CDH13: variants seen among roughly 807,000 people sequenced by gnomAD.
The protein encoded by CDH13 is cadherin 13.
In CDH13, 24 loss-of-function variants were observed where a neutral mutation model predicts 63.8. The observed-to-expected ratio is 0.38, with a 90% confidence interval of 0.27 to 0.53. CDH13 has a LOEUF of 0.53. Ranked by LOEUF, CDH13 falls within the 20% of genes least tolerant of loss-of-function variation. The pLI is 0.85. For missense variants in CDH13, 1,049 were observed against 903.1 expected, an observed-to-expected ratio of 1.16 and a Z score of -2.07; for synonymous variants, 503 against 355.3, an observed-to-expected ratio of 1.42 and a Z score of -4.67.
chr16:82,639,511 C>A, intron 1 of CDH13: 1 of 1,292,600 alleles, frequency 7.7e-7, no homozygotes, highest in South Asian at 1.3e-5. Context: ...GGAATTCTTC[C>A]CTAGGGATGC....
intron 2 of CDH13, among the ~76,000 whole-genome samples, chr16:82,955,018 T>C (rs1905859195): frequency 6.6e-6 from 1 of 152,246 alleles, no homozygotes; most frequent in South Asian, 2.1e-4. Context: ...ATCACATTTG[T>C]TTATCCACTT....
rs114067074 is a variant in CDH13, at chr16:83,399,682, C to T, written c.781+54676C>T. On this transcript the variant is annotated intron_variant, in intron 6 of 13. Coordinates refer to ENST00000567109, the MANE Select transcript of CDH13 (RefSeq NM_001257.5). ...AGCTTTCTCCTTGTTCGCTGGGAAT[C>T]TTGCTTTTGGAGTCCGTCTGCTTGA... Among the ~76,000 whole-genome samples the T allele has an allele frequency of 9.5e-3, 1,444 of 152,276 alleles. 15 individuals carry two copies. The highest frequency in any genetic ancestry group is 0.029 in the African/African-American group (1,193 of 41,546).
intron 5 of CDH13, among the ~76,000 whole-genome samples, 172 bp downstream of exon 5, chr16:83,217,669 G>T (rs1237905941): frequency 6.6e-6 from 1 of 152,140 alleles, no homozygotes; most frequent in Non-Finnish European, 1.5e-5. Flanking sequence ...CAGGGCAACA[G>T]TGGGGGGTCT....
chr16:83,070,207 C>T (rs550139051), intron 3 of CDH13, among the ~76,000 whole-genome samples: 7 of 152,246 alleles, frequency 4.6e-5, no homozygotes, highest in African/African-American at 9.6e-5. Flanking sequence ...ATTAACTATC[C>T]TTTAAAAACT....
intron 2 of CDH13, among the ~76,000 whole-genome samples, chr16:82,951,101 G>C (rs1938493514): frequency 6.6e-6 from 1 of 152,078 alleles, no homozygotes; most frequent in Non-Finnish European, 1.5e-5. Context: ...CAGGGAGTGA[G>C]GGCACAGGTC....
At chr16:82,857,961 C>G (rs547711165) in intron 1 of CDH13, among the ~76,000 whole-genome samples, 48 of 152,246 alleles carry the variant, frequency 3.2e-4, no homozygotes, top group African/African-American at 1.1e-3. Flanking sequence ...CAGAATAGTT[C>G]CATTTTCTCT....
At chr16:82,994,229 T>G (rs1911961484) in intron 2 of CDH13, among the ~76,000 whole-genome samples, 1 of 152,176 alleles carries the variant, frequency 6.6e-6, no homozygotes, top group Non-Finnish European at 1.5e-5. Context: ...CTCACTGGCT[T>G]AGCTTTTCTG....
chr16:83,500,141 G>A (rs2074237054), intron 7 of CDH13, among the ~76,000 whole-genome samples: 1 of 151,256 alleles, frequency 6.6e-6, no homozygotes, highest in Admixed American at 6.6e-5. Flanking sequence ...TTGTATCAGT[G>A]GTCGTAAGGC....
chr16:83,711,807 C>A (rs1413425384), intron 10 of CDH13, among the ~76,000 whole-genome samples: 2 of 152,252 alleles, frequency 1.3e-5, no homozygotes, highest in Middle Eastern at 3.2e-3. Context: ...TGAGCCACCA[C>A]ACCCAGCTGG....
At chr16:83,077,185 TC>T (rs1435875532) in intron 3 of CDH13, among the ~76,000 whole-genome samples, 15 of 126,020 alleles carry the variant, frequency 1.2e-4, no homozygotes, top group South Asian at 2.7e-4. Flanking sequence ...TTTTTTCTTT[TC>T]TTTTTTTTTT....
At chr16:83,115,078 T>C (rs572624000) in intron 3 of CDH13, among the ~76,000 whole-genome samples, 2 of 152,328 alleles carry the variant, frequency 1.3e-5, no homozygotes, top group East Asian at 1.9e-4. Context: ...TAGTTATACC[T>C]GAATAAATGG....
intron 6 of CDH13, among the ~76,000 whole-genome samples, chr16:83,355,200 C>T (rs112296096): frequency 9.2e-5 from 14 of 152,214 alleles, no homozygotes; most frequent in African/African-American, 2.6e-4. Context: ...ATGGCAGCTA[C>T]GGAGATGGAG....
intron 5 of CDH13, among the ~76,000 whole-genome samples, chr16:83,249,585 A>C (rs1382338757): frequency 2.6e-5 from 4 of 152,322 alleles, no homozygotes; most frequent in Non-Finnish European, 4.4e-5. Context: ...GGTAAGGCAA[A>C]TGGGCACTCA....
chr16:82,764,609 G>A (rs991019959), intron 1 of CDH13, among the ~76,000 whole-genome samples: 1 of 152,156 alleles, frequency 6.6e-6, no homozygotes, highest in Non-Finnish European at 1.5e-5. Flanking sequence ...CATAGTGAAG[G>A]CATGATGCCT....
At chr16:83,014,741 A>AT (rs1270511838) in intron 2 of CDH13, among the ~76,000 whole-genome samples, 13 of 33,320 alleles carry the variant, frequency 3.9e-4, no homozygotes, top group African/African-American at 1.1e-3. Flanking sequence ...AAAAAAAAAA[A>AT]AAATATATAT....
At chr16:82,937,925 A>G (rs1344472364) in intron 2 of CDH13, among the ~76,000 whole-genome samples, 1 of 152,234 alleles carries the variant, frequency 6.6e-6, no homozygotes, top group African/African-American at 2.4e-5. Context: ...ATAAAAGGAC[A>G]GTAATTGGAT....
At chr16:82,648,923 G>T (rs1260711666) in intron 1 of CDH13, among the ~76,000 whole-genome samples, 1 of 152,186 alleles carries the variant, frequency 6.6e-6, no homozygotes, top group Non-Finnish European at 1.5e-5. Flanking sequence ...CAGCTTGAAA[G>T]CTTGTATGAG....
chr16:82,782,267 G>A (rs2035789648), intron 1 of CDH13, among the ~76,000 whole-genome samples: 1 of 152,194 alleles, frequency 6.6e-6, no homozygotes, highest in Non-Finnish European at 1.5e-5. Flanking sequence ...AAGGAGAAAA[G>A]AGTAAACAAA....
chr16:83,274,925 A>G (rs2088938304), intron 5 of CDH13, among the ~76,000 whole-genome samples: 1 of 152,144 alleles, frequency 6.6e-6, no homozygotes, highest in Non-Finnish European at 1.5e-5. Context: ...GTGTGTTCAA[A>G]TGGTGTCATC....
Sources: gnomAD v4.1 joint callset for allele counts (sites outside exome capture counted in the v4.1 genomes callset) on GRCh38, gnomAD v4.1.1 for gene constraint, MANE v1.5 for transcripts, NCBI Gene and HGNC (gene_info 2026-07-23, HGNC 2026-07-21) for gene names.